Variants in PHACTR1 observed in about 807,000 individuals in gnomAD.
The protein encoded by PHACTR1 is phosphatase and actin regulator 1.
PHACTR1 carries 16 observed loss-of-function variants against 69.2 expected under a neutral mutation model. That is an observed-to-expected ratio of 0.23 (90% CI 0.16 to 0.35). The LOEUF (loss-of-function observed/expected upper bound fraction) is 0.35, where lower values mean the gene tolerates loss of function less well. Among genes scored for constraint, PHACTR1 ranks in the 10% least tolerant of loss-of-function variants. PHACTR1 has a pLI of 1.00. For synonymous variants in PHACTR1, 312 were observed against 284.5 expected (o/e 1.10, Z -0.97); for missense variants, 510 against 734.7 (o/e 0.69, Z 3.54).
At chr6:13,254,900 G>A (rs1207973988) in intron 10 of PHACTR1, among the ~76,000 whole-genome samples, 1 of 152,192 alleles carries the variant, frequency 6.6e-6, no homozygotes, top group Non-Finnish European at 1.5e-5. Flanking sequence ...TATGCAACAA[G>A]TTAAGAGAGG....
At chr6:12,845,008 C>A (rs4711848) in intron 4 of PHACTR1, among the ~76,000 whole-genome samples, 30,618 of 152,054 alleles carry the variant, frequency 0.2, 3,451 homozygotes, top group African/African-American at 0.3. Flanking sequence ...TTATGTTTCC[C>A]TTCTCCCCTG....
intron 4 of PHACTR1, among the ~76,000 whole-genome samples, chr6:12,979,842 G>T (rs1166827274): frequency 6.6e-6 from 1 of 151,904 alleles, no homozygotes; most frequent in African/African-American, 2.4e-5. Context: ...AACGCTAAAA[G>T]GTTGTTTCAT....
chr6:12,973,163 C>T (rs778219618), intron 4 of PHACTR1, among the ~76,000 whole-genome samples: 1 of 152,152 alleles, frequency 6.6e-6, no homozygotes, highest in Non-Finnish European at 1.5e-5. Flanking sequence ...TAGGCCACCA[C>T]CCTGCTCTAG....
chr6:13,206,894 A>G (rs964824107), intron 8 of PHACTR1, among the ~76,000 whole-genome samples: 2 of 152,220 alleles, frequency 1.3e-5, no homozygotes, highest in Non-Finnish European at 2.9e-5. Flanking sequence ...GAGAACGTGC[A>G]GACTCCACAC....
intron 4 of PHACTR1, among the ~76,000 whole-genome samples, chr6:12,830,750 A>G (rs1308255835): frequency 1.3e-5 from 2 of 151,540 alleles, no homozygotes; most frequent in Non-Finnish European, 2.9e-5. Context: ...CACCATGCCC[A>G]GCTCATTTTT....
At chr6:13,080,187 C>G (rs184920541) in intron 5 of PHACTR1, among the ~76,000 whole-genome samples, 1 of 152,076 alleles carries the variant, frequency 6.6e-6, no homozygotes. Flanking sequence ...TTCCACCTGA[C>G]CCCTGACCCC....
chr6:13,115,294 A>G (rs1347732946), intron 5 of PHACTR1, among the ~76,000 whole-genome samples: 4 of 152,174 alleles, frequency 2.6e-5, no homozygotes, highest in Non-Finnish European at 4.4e-5. Flanking sequence ...ATCCAACTCA[A>G]CATAAAATGA....
chr6:12,945,007 C>T (rs867168416), intron 4 of PHACTR1, among the ~76,000 whole-genome samples: 4 of 152,186 alleles, frequency 2.6e-5, no homozygotes, highest in Middle Eastern at 6.8e-3. Context: ...TGGTCTCGAT[C>T]TCCTGACCTC....
chr6:13,180,839 C>A (rs1358250065), intron 6 of PHACTR1, among the ~76,000 whole-genome samples: 1 of 152,172 alleles, frequency 6.6e-6, no homozygotes, highest in East Asian at 1.9e-4. Context: ...CCCTTCCCAT[C>A]CCAAAGACTC....
intron 4 of PHACTR1, among the ~76,000 whole-genome samples, chr6:12,841,860 A>G (rs1480752390): frequency 6.6e-6 from 1 of 152,108 alleles, no homozygotes; most frequent in East Asian, 1.9e-4. Context: ...ATTCTTTTCT[A>G]TGATATTATC....
intron 4 of PHACTR1, among the ~76,000 whole-genome samples, chr6:12,781,990 T>A (rs567665899): frequency 2.0e-5 from 3 of 152,206 alleles, no homozygotes; most frequent in Non-Finnish European, 4.4e-5. Context: ...CATTCCCGAA[T>A]GCCCATGGCA....
chr6:13,086,862 G>A (rs906590611), intron 5 of PHACTR1, among the ~76,000 whole-genome samples: 2 of 152,010 alleles, frequency 1.3e-5, no homozygotes, highest in African/African-American at 4.8e-5. Context: ...TGCTGTGTTT[G>A]TACCACTTTG....
chr6:12,882,712 C>T (rs1561976076), intron 4 of PHACTR1, among the ~76,000 whole-genome samples: 1 of 152,130 alleles, frequency 6.6e-6, no homozygotes, highest in Non-Finnish European at 1.5e-5. Context: ...AACCCTATCG[C>T]CCTTCTGGAA....
intron 4 of PHACTR1, among the ~76,000 whole-genome samples, chr6:12,856,251 C>CTTTTTTTTTTTTTT (rs201867496): frequency 2.1e-4 from 20 of 95,268 alleles, no homozygotes; most frequent in African/African-American, 4.8e-4. Context: ...TTCTTTCTTT[C>CTTTTTTTTTTTTTT]TTTCTTTTTT....
At chr6:12,871,988 G>A (rs4714946) in intron 4 of PHACTR1, among the ~76,000 whole-genome samples, 29,894 of 151,824 alleles carry the variant, frequency 0.2, 3,411 homozygotes, top group Middle Eastern at 0.34. Context: ...TTTTCAGAAT[G>A]AGTTAGTGAC....
chr6:13,020,277 T>A (rs1800780210), intron 4 of PHACTR1, among the ~76,000 whole-genome samples: 1 of 152,188 alleles, frequency 6.6e-6, no homozygotes, highest in African/African-American at 2.4e-5. Flanking sequence ...AGAAGTTATA[T>A]GATGATTGTT....
chr6:12,930,243 C>A (rs1381003619), intron 4 of PHACTR1, among the ~76,000 whole-genome samples: 1 of 152,046 alleles, frequency 6.6e-6, no homozygotes, highest in Non-Finnish European at 1.5e-5. Context: ...CGGGGTCTTG[C>A]TCTATTATCC....
intron 7 of PHACTR1, among the ~76,000 whole-genome samples, chr6:13,194,036 C>T (rs1215332602): frequency 6.6e-6 from 1 of 152,148 alleles, no homozygotes; most frequent in Non-Finnish European, 1.5e-5. Flanking sequence ...TAATTTCTCA[C>T]AAAATACTTA....
intron 4 of PHACTR1, among the ~76,000 whole-genome samples, chr6:13,001,690 T>C (rs1216919136): frequency 6.6e-6 from 1 of 152,196 alleles, no homozygotes; most frequent in East Asian, 1.9e-4. Context: ...ATCCAATAAA[T>C]AGTGTGCCCC....
Sources: gnomAD v4.1 joint callset for allele counts (sites outside exome capture counted in the v4.1 genomes callset) on GRCh38, gnomAD v4.1.1 for gene constraint, MANE v1.5 for transcripts, NCBI Gene and HGNC (gene_info 2026-07-23, HGNC 2026-07-21) for gene names.